Variants in TLN2 observed in about 807,000 individuals in gnomAD.
TLN2 encodes the protein talin-2.
TLN2 carries 118 observed loss-of-function variants against 294.7 expected under a neutral mutation model. The observed-to-expected ratio is 0.40, with a 90% confidence interval of 0.34 to 0.47. TLN2 has a LOEUF of 0.47. TLN2 is among the 20% of genes least tolerant of loss of function. The pLI, the probability that TLN2 is intolerant of heterozygous loss-of-function variation, is 0.84. For synonymous variants in TLN2, 1,431 were observed against 1,304.5 expected, an observed-to-expected ratio of 1.10 and a Z score of -2.09; for missense variants, 3,083 against 3,282.2, an observed-to-expected ratio of 0.94 and a Z score of 1.48.
intron 1 of TLN2, among the ~76,000 whole-genome samples, chr15:62,467,513 C>T (rs2037207249): frequency 6.6e-6 from 1 of 152,014 alleles, no homozygotes; most frequent in Admixed American, 6.6e-5. Flanking sequence ...GCCAACATGG[C>T]AAAACCTCGT....
intron 9 of TLN2, among the ~76,000 whole-genome samples, chr15:62,673,072 T>TTGTGTG (rs60589441): frequency 0.024 from 3,509 of 144,798 alleles, 124 homozygotes; most frequent in African/African-American, 0.076. Flanking sequence ...CCTAATTTAA[T>TTGTGTG]TGTGTGTGTG....
intron 32 of TLN2, among the ~76,000 whole-genome samples, chr15:62,745,840 C>T (rs1209688136): frequency 1.3e-5 from 2 of 152,198 alleles, no homozygotes; most frequent in African/African-American, 4.8e-5. Context: ...ACGTATTTAG[C>T]ATGTAATCCC....
intron 2 of TLN2, among the ~76,000 whole-genome samples, chr15:62,610,694 C>T (rs1035987539): frequency 6.6e-6 from 1 of 152,160 alleles, no homozygotes; most frequent in African/African-American, 2.4e-5. Flanking sequence ...CAGCTGGGAA[C>T]ATGCAAGCCT....
At chr15:62,750,182 C>G (rs1454861275) in intron 33 of TLN2, among the ~76,000 whole-genome samples, 1 of 152,176 alleles carries the variant, frequency 6.6e-6, no homozygotes, top group Non-Finnish European at 1.5e-5. Flanking sequence ...TCATCTCTGG[C>G]CAAGCTAACC....
chr15:62,399,890 A>G (rs2032890332), intron 1 of TLN2, among the ~76,000 whole-genome samples: 2 of 152,184 alleles, frequency 1.3e-5, no homozygotes, highest in Admixed American at 1.3e-4. Context: ...TCATCCTGCA[A>G]TGAACTAAGA....
rs756883380 is a variant in TLN2 at position 62,737,079 on chromosome 15, T to C, written c.3560T>C (p.Leu1187Pro). The C allele has an allele frequency of 4.3e-6, 7 of 1,614,094 alleles. No homozygotes were observed. The change falls in exon 29 of 59, where the codon CTG becomes CCG. Residue 1187 changes from leucine (L) to proline (P), a missense_variant. Leu to Pro is a moderately conservative substitution (Grantham distance 98, BLOSUM62 -3). Transcript: ENST00000636159. ...APGDAERQQR[L>P]AQVAKAVSHS... ...GGAGATGCAGAGCGTCAACAAAGAC[T>C]GGCTCAGGTGAGGCTAGGAATGAGA...
chr15:62,525,251 C>T (rs2040676006), intron 1 of TLN2, among the ~76,000 whole-genome samples: 1 of 152,202 alleles, frequency 6.6e-6, no homozygotes, highest in African/African-American at 2.4e-5. Context: ...TCCACGTGTC[C>T]TCAGGCAAGC....
Position 62,703,391 on chromosome 15 carries a change from C to T in TLN2, c.2004+527C>T, listed in dbSNP as rs572332476. 9.9e-5 allele frequency among the ~76,000 whole-genome samples: 15 copies of T among 152,058 alleles called. No homozygotes were observed. The South Asian group carries it at 1.7e-3, about 17-fold the overall frequency. ...CTGGGATTACAGGCGTGAGCCACCG[C>T]GCCTGGCCGTGATTATTTTTTTTGT... On this transcript the variant is annotated intron_variant, in intron 19 of 58. Transcript: ENST00000636159.
At chr15:62,754,011 C>CT in intron 36 of TLN2, 95 bp downstream of exon 36, 1 of 1,367,576 alleles carries the variant, frequency 7.3e-7, no homozygotes, top group Non-Finnish European at 9.5e-7. Flanking sequence ...GAATCTTGTT[C>CT]TTTCAGAGCT....
chr15:62,588,495 G>A (rs1371460251), intron 1 of TLN2, among the ~76,000 whole-genome samples: 2 of 151,158 alleles, frequency 1.3e-5, no homozygotes, highest in Non-Finnish European at 2.9e-5. Context: ...AATTAGCTGG[G>A]TGTGGTGATG....
intron 22 of TLN2, among the ~76,000 whole-genome samples, chr15:62,713,929 A>ATATATATATATATTC (rs368958929): frequency 8.0e-6 from 1 of 125,208 alleles, no homozygotes; most frequent in Non-Finnish European, 1.8e-5. Context: ...GTGTGTGTGT[A>ATATATATATATATTC]TGTGTGTGTG....
At position 62,419,442 on chromosome 15, in the gene TLN2, C is replaced by CT. The variant is rs1431234568; in HGVS notation, c.-238+28759dup. Among the ~76,000 whole-genome samples the CT allele has an allele frequency of 2.6e-5, 4 of 152,296 alleles. No homozygotes were observed. The East Asian group carries it at 7.7e-4, about 29-fold the overall frequency. On this transcript the variant is annotated intron_variant, in intron 1 of 58. Coordinates refer to ENST00000636159, the MANE Select transcript of TLN2 (RefSeq NM_015059.3). ...CCTGGAGAGTGATGCTTTCTGGAGT[C>CT]TTCCTTAGTGATCTGCCTACATTAT...
At chr15:62,602,387 A>G (rs4410028) in intron 2 of TLN2, among the ~76,000 whole-genome samples, 10,872 of 152,254 alleles carry the variant, frequency 0.071, 607 homozygotes, top group East Asian at 0.16. Context: ...CCAATTGGAT[A>G]CATAGTTAAG....
intron 1 of TLN2, among the ~76,000 whole-genome samples, chr15:62,429,885 C>T (rs1027414584): frequency 2.0e-5 from 3 of 152,154 alleles, no homozygotes; most frequent in Non-Finnish European, 4.4e-5. Context: ...TGAGAACTGT[C>T]GTGTCCTTTC....
At chr15:62,828,920 T>C (rs1420164515) in intron 54 of TLN2, 4 of 152,074 alleles carry the variant, frequency 2.6e-5, no homozygotes, top group Non-Finnish European at 5.9e-5. Context: ...TTAAGTTAAA[T>C]GGTGTTTGTT....
At chr15:62,521,993 T>C (rs138361605) in intron 1 of TLN2, among the ~76,000 whole-genome samples, 263 of 152,326 alleles carry the variant, frequency 1.7e-3, no homozygotes, top group African/African-American at 6.2e-3. Flanking sequence ...CTGGTCGTTT[T>C]GCCTAAACTC....
chr15:62,825,809 T>TATA, intron 54 of TLN2, among the ~76,000 whole-genome samples: 1 of 1,732 alleles, frequency 5.8e-4, no homozygotes, highest in African/African-American at 1.0e-3. Context: ...TATTATATAT[T>TATA]ATATTATAAT....
intron 1 of TLN2, among the ~76,000 whole-genome samples, chr15:62,487,857 C>T (rs907586181): frequency 6.6e-6 from 1 of 151,700 alleles, no homozygotes; most frequent in Non-Finnish European, 1.5e-5. Flanking sequence ...GAGCTGAGAT[C>T]GCACCACTGC....
intron 3 of TLN2, among the ~76,000 whole-genome samples, chr15:62,622,869 A>T (rs2048951886): frequency 2.0e-5 from 3 of 152,200 alleles, no homozygotes; most frequent in Admixed American, 1.3e-4. Flanking sequence ...CCAGTTCTGT[A>T]TCTGTAATAA....
Sources: allele counts gnomAD v4.1 joint callset (sites outside exome capture counted in the v4.1 genomes callset), GRCh38; gene constraint gnomAD v4.1.1; transcripts MANE v1.5; gene names NCBI Gene and HGNC (gene_info 2026-07-23, HGNC 2026-07-21).